EXD2: variants seen among roughly 807,000 people sequenced by gnomAD.
The protein encoded by EXD2 is exonuclease 3'-5' domain containing 2.
In EXD2, 40 loss-of-function variants were observed where a neutral mutation model predicts 62.5. The ratio of observed to expected loss-of-function variants is 0.64; its 90% CI spans 0.50 to 0.83. The LOEUF (loss-of-function observed/expected upper bound fraction) is 0.83. Ranked by LOEUF, EXD2 falls within the 40% of genes least tolerant of loss-of-function variation. The pLI is 0.00. For synonymous variants in EXD2, 239 were observed against 291.9 expected (o/e 0.82, Z 1.85); for missense variants, 671 against 761.8 (o/e 0.88, Z 1.40).
intron 1 of EXD2, among the ~76,000 whole-genome samples, chr14:69,203,031 C>T (rs2042460592): frequency 6.6e-6 from 1 of 152,078 alleles, no homozygotes. Flanking sequence ...TCACTGTAGC[C>T]TGCATCAGTT....
chr14:69,236,961 C>T (rs183045472), intron 8 of EXD2, among the ~76,000 whole-genome samples: 27 of 152,236 alleles, frequency 1.8e-4, no homozygotes, highest in Admixed American at 1.8e-3. Flanking sequence ...CATCAGGGCC[C>T]CTGCACTGTG....
intron 1 of EXD2, among the ~76,000 whole-genome samples, chr14:69,195,427 G>C (rs535996164): frequency 6.6e-6 from 1 of 152,198 alleles, no homozygotes; most frequent in East Asian, 1.9e-4. Context: ...GAACTCCTGG[G>C]TTCAAGTGAC....
chr14:69,234,980 G>A lies in EXD2; in HGVS notation c.998G>A (p.Arg333Lys), dbSNP rs763427338. Residue 333 changes from arginine (R) to lysine (K), a missense_variant, in exon 6 of 10, where the codon AGA (arginine) becomes AAA (lysine). Arg to Lys is a conservative substitution (Grantham distance 26, BLOSUM62 2). Transcript: ENST00000685843. ...ATGGTGCCAGGCAACCACCAAGGGA[G>A]AGACCCCAGAAAACATAAAAGAAAG... ...DGMVPGNHQG[R>K]DPRKHKRKPL... is the part of the protein sequence containing the mutation. The A allele has an allele frequency of 6.2e-7, 1 of 1,611,386 alleles. No homozygotes were observed. The highest frequency in any genetic ancestry group is 8.5e-7 in the Non-Finnish European group (1 of 1,179,044).
rs1367276886 is a variant in EXD2 at position 69,235,907 on chromosome 14, CT to C, written c.1050-138del. 78 of 747,916 alleles carry C rather than the reference CT, an allele frequency of 1.0e-4. No individual in the cohort carries two copies. In the African/African-American group the frequency reaches 1.2e-3, roughly 12 times the overall value. The allele number at this position is 747,916 out of a possible 1,614,324, so 46.3% of individuals were successfully genotyped here. A position where few individuals can be genotyped will look rare whatever the true frequency, so the allele number is the denominator to read the frequency against. ...TGAGGATTAAACATGGTTTCTCACT[CT>C]GTTTTTTCCATAGTGGTGTGTTTGA... On this transcript the variant is annotated intron_variant, in intron 6 of 9. Transcript: ENST00000685843.
intron 1 of EXD2, among the ~76,000 whole-genome samples, chr14:69,203,352 A>G (rs532074759): frequency 6.6e-6 from 1 of 152,132 alleles, no homozygotes; most frequent in South Asian, 2.1e-4. Context: ...CTGGGATTAC[A>G]GGCCTGAGCC....
chr14:69,234,808 A>C lies in EXD2; in HGVS notation c.826A>C (p.Ser276Arg). 1 of 1,614,238 alleles carries C rather than the reference A, an allele frequency of 6.2e-7. No homozygotes were observed. Among genetic ancestry groups the C allele is most frequent in the East Asian group, 2.2e-5 (1 of 44,882 alleles). The stretch of plus-strand genomic sequence containing the variant: ...TGGAGAAAAAAACGATGACCACAGT[A>C]GCTGGAGAAAAGTCTTGGAAAAATG... ...SPGEKNDDHSSWRKVLEKCQG... is the reference protein window; with the variant it reads ...SPGEKNDDHSRWRKVLEKCQG... Residue 276 changes from serine (S) to arginine (R), a missense_variant, in exon 6 of 10, where the codon AGC (serine) becomes CGC (arginine). Ser to Arg is a moderately radical substitution (Grantham distance 110, BLOSUM62 -1). Transcript: ENST00000685843.
chr14:69,234,619 C>G (rs1566839922), intron 5 of EXD2, 81 bp from the exon 6 acceptor site: 3 of 1,143,772 alleles, frequency 2.6e-6, no homozygotes, highest in East Asian at 4.8e-5. Context: ...TAAGAGTTAT[C>G]TATTTCTTTG....
At chr14:69,235,147 G>A (rs1468359823) in intron 6 of EXD2, 116 bp downstream of exon 6, 6 of 825,578 alleles carry the variant, frequency 7.3e-6, no homozygotes, top group Non-Finnish European at 9.0e-6. Context: ...CAGCTCTCCC[G>A]GGGTTAATCT....
chr14:69,216,496 C>T (rs558590651), intron 3 of EXD2, among the ~76,000 whole-genome samples: 10 of 152,076 alleles, frequency 6.6e-5, no homozygotes, highest in South Asian at 6.2e-4. Context: ...GGCATGATCT[C>T]GGCTCACTGC....
chr14:69,209,454 G>A lies in EXD2; in HGVS notation c.-17G>A, dbSNP rs2042729978. 1.6e-5 allele frequency: 23 copies of A among 1,480,512 alleles called. No homozygotes were observed. In the East Asian group the frequency reaches 5.7e-4, roughly 37 times the overall value. 91.7% of individuals were successfully genotyped at this position (1,480,512 alleles called of 1,614,324 possible). ...GGGATTAGTGATATGCTTTTCTAAA[G>A]AGTAGAAAAGTCGAAGATGTCTAGA... is the stretch of plus-strand genomic sequence containing the variant. On this transcript the variant is annotated 5_prime_UTR_variant, in exon 3 of 10. Transcript: ENST00000685843.
At chr14:69,232,900 C>T (rs1288511430) in intron 5 of EXD2, among the ~76,000 whole-genome samples, 2 of 152,154 alleles carry the variant, frequency 1.3e-5, no homozygotes, top group African/African-American at 4.8e-5. Context: ...TTTTAAAAAT[C>T]TCTTCCTTTA....
rs1177186156 is a variant in EXD2 at position 69,228,836 on chromosome 14, C to T, written c.354C>T (p.Ala118=). 6.2e-7 allele frequency: 1 copy of T among 1,613,714 alleles called. No individual in the cohort carries two copies. The highest frequency in any genetic ancestry group is 8.5e-7 in the Non-Finnish European group (1 of 1,179,850). The change falls in exon 4 of 10, where the codon GCC becomes GCT. Residue 118 remains alanine (A), a synonymous_variant. Transcript: ENST00000685843. ...TGCAGGTAAATTTGGAAGGCAAAGCCAGCCCTCTGTCACTTCTACAAATGG... is the reference window on the plus strand; with the variant it reads ...TGCAGGTAAATTTGGAAGGCAAAGCTAGCCCTCTGTCACTTCTACAAATGG... The part of the protein sequence containing the change: ...DCEWVNLEGK[A]SPLSLLQMAS...
chr14:69,225,333 T>C (rs1238659804), intron 3 of EXD2, among the ~76,000 whole-genome samples: 2 of 152,124 alleles, frequency 1.3e-5, no homozygotes, highest in Admixed American at 6.5e-5. Context: ...ATGAATACTG[T>C]TTTGTTGGTT....
chr14:69,207,515 A>G (rs1402828021), intron 2 of EXD2, among the ~76,000 whole-genome samples: 1 of 152,176 alleles, frequency 6.6e-6, no homozygotes, highest in Non-Finnish European at 1.5e-5. Flanking sequence ...ATTTAAAGTT[A>G]TTGATGAAAC....
At chr14:69,229,826 T>C (rs2043505180) in intron 4 of EXD2, among the ~76,000 whole-genome samples, 1 of 152,176 alleles carries the variant, frequency 6.6e-6, no homozygotes, top group Non-Finnish European at 1.5e-5. Flanking sequence ...ACTAAAAGTT[T>C]GGAGATTTGG....
chr14:69,230,494 C>G lies in EXD2; in HGVS notation c.613C>G (p.Leu205Val). The G allele has an allele frequency of 6.2e-7, 1 of 1,612,978 alleles. No homozygotes were observed. The highest frequency in any genetic ancestry group is 8.5e-7 in the Non-Finnish European group (1 of 1,179,448). ...RQRNNLLCNG[L>V]SLKSLAETVL... ...TAGAAACAATTTGCTCTGTAATGGG[C>G]TTAGCCTGAAGTCCCTCGCTGAGAC... Residue 205 changes from leucine to valine, a missense_variant, in exon 5 of 10, where the codon CTT (leucine) becomes GTT (valine). By Grantham distance (32) the Leu-to-Val change is conservative (BLOSUM62 1). Transcript: ENST00000685843.
intron 3 of EXD2, among the ~76,000 whole-genome samples, chr14:69,215,360 G>A (rs115565617): frequency 0.013 from 2,002 of 151,584 alleles, 41 homozygotes; most frequent in African/African-American, 0.047. Context: ...TTTACATTTG[G>A]GGGCTCTTGC....
Position 69,209,564 on chromosome 14 carries a change from C to T in EXD2, c.94C>T (p.Arg32Ter), listed in dbSNP as rs774929784. 7.1e-6 allele frequency: 11 copies of T among 1,550,440 alleles called. No homozygotes were observed. The highest frequency in any genetic ancestry group is 2.4e-5 in the East Asian group (1 of 40,912). ...FVLWKGIQRR[R>*]RSKTSPVTQQ... The stretch of plus-strand genomic sequence containing the variant: ...CCTCTGGAAAGGCATCCAGCGCCGC[C>T]GAAGGAGTAAAACGAGTCCTGTGAC... Residue 32 changes from arginine to a stop codon, truncating the protein, a stop_gained, in exon 3 of 10, where the codon CGA becomes TGA. Transcript: ENST00000685843. LOFTEE classifies it high-confidence loss of function.
chr14:69,220,264 T>TG (rs2043133052), intron 3 of EXD2, among the ~76,000 whole-genome samples: 1 of 86,290 alleles, frequency 1.2e-5, no homozygotes, highest in African/African-American at 4.8e-5. Context: ...TTTTTTTTTT[T>TG]TTTTTTTTTT....
Sources: allele counts gnomAD v4.1 joint callset (sites outside exome capture counted in the v4.1 genomes callset), GRCh38; gene constraint gnomAD v4.1.1; transcripts MANE v1.5; gene names NCBI Gene and HGNC (gene_info 2026-07-23, HGNC 2026-07-21).